HAPLN2: variants seen among roughly 807,000 people sequenced by gnomAD.
The protein encoded by HAPLN2 is hyaluronan and proteoglycan link protein 2.
In HAPLN2, 27 loss-of-function variants were observed where a neutral mutation model predicts 29.3. The ratio of observed to expected loss-of-function variants is 0.92; its 90% CI spans 0.68 to 1.27. The LOEUF (loss-of-function observed/expected upper bound fraction) is 1.27, where lower values mean the gene tolerates loss of function less well. HAPLN2 is among the 50% of genes most tolerant of loss of function. The pLI is 0.00. For missense variants in HAPLN2, 454 were observed against 484.3 expected (o/e 0.94, Z 0.59); for synonymous variants, 208 against 211.7 (o/e 0.98, Z 0.15).
chr1:156,610,589 G>A, the HAPLN2 span, among the ~76,000 whole-genome samples: 7 of 151,366 alleles, frequency 4.6e-5, no homozygotes, highest in South Asian at 8.3e-4. Flanking sequence ...GCAGTGAGCC[G>A]AGATCGCGCC....
At chr1:156,608,618 C>T in the HAPLN2 span, among the ~76,000 whole-genome samples, 1 of 151,998 alleles carries the variant, frequency 6.6e-6, no homozygotes, top group South Asian at 2.1e-4. Flanking sequence ...TCTTAGCTCA[C>T]TGCAACCTCC....
intron 2 of HAPLN2, among the ~76,000 whole-genome samples, chr1:156,622,522 A>C (rs1197640880): frequency 6.6e-6 from 1 of 152,026 alleles, no homozygotes; most frequent in Non-Finnish European, 1.5e-5. Flanking sequence ...GGGTGGGTAA[A>C]GGTTTCCCAA....
chr1:156,624,452 T>G lies in HAPLN2; in HGVS notation c.541T>G (p.Ser181Ala). 6.2e-7 allele frequency: 1 copy of G among 1,612,702 alleles called. No homozygotes were observed. The highest frequency in any genetic ancestry group is 8.5e-7 in the Non-Finnish European group (1 of 1,179,462). ...EEQDGRLATY[S>A]QLYQAWTEGL... is the part of the protein sequence containing the mutation. ...GCAGGACGGACGCCTGGCCACCTAC[T>G]CCCAGCTCTACCAGGGTGAGCGGCC... Residue 181 changes from serine to alanine, a missense_variant, in exon 5 of 7, where the codon TCC becomes GCC. Ser to Ala is a moderately conservative substitution (Grantham distance 99, BLOSUM62 1). Around this residue, in one of 3 missense-constraint regions of HAPLN2, gnomAD observed 235 missense variants for 236.9 expected, o/e 0.99. Coordinates refer to ENST00000255039, the MANE Select transcript of HAPLN2 (RefSeq NM_021817.3).
the HAPLN2 span, among the ~76,000 whole-genome samples, chr1:156,611,783 G>T: frequency 6.6e-6 from 1 of 152,150 alleles, no homozygotes; most frequent in South Asian, 2.1e-4. Context: ...GCTTATCAAT[G>T]CTGTAGTTAT....
chr1:156,613,459 G>A, the HAPLN2 span, among the ~76,000 whole-genome samples: 1 of 152,114 alleles, frequency 6.6e-6, no homozygotes, highest in Non-Finnish European at 1.5e-5. Context: ...TCTCAATTGG[G>A]CAATAAAACC....
At position 156,623,973 on chromosome 1, in the gene HAPLN2, C is replaced by T. The variant is rs1407927390; in HGVS notation, c.252C>T (p.Leu84=). 3 of 1,608,012 alleles carry T rather than the reference C, an allele frequency of 1.9e-6. No individual in the cohort carries two copies. Among genetic ancestry groups the T allele is most frequent in the South Asian group, 1.1e-5 (1 of 90,132 alleles). ...GGGAGCTCCGGGAAACGCTGATCCTCATCACCAACGGACTGCACGCCCGGG... is the reference window on the plus strand; with the variant it reads ...GGGAGCTCCGGGAAACGCTGATCCTTATCACCAACGGACTGCACGCCCGGG... ...EPGELRETLI[L]ITNGLHARGY... is the part of the protein sequence containing the mutation. Residue 84 remains leucine (L), a synonymous_variant, in exon 4 of 7, where the codon CTC becomes CTT. Coordinates refer to ENST00000255039, the MANE Select transcript of HAPLN2 (RefSeq NM_021817.3).
At chr1:156,623,630 T>TGGGGAAA in intron 3 of HAPLN2, 55 bp downstream of exon 3, 1 of 1,604,882 alleles carries the variant, frequency 6.2e-7, no homozygotes, top group Non-Finnish European at 8.5e-7. Context: ...ACTGCAAGGG[T>TGGGGAAA]GGGGAAAGGG....
intron 2 of HAPLN2, among the ~76,000 whole-genome samples, chr1:156,620,368 A>G (rs2102525584): frequency 6.6e-6 from 1 of 152,326 alleles, no homozygotes; most frequent in East Asian, 1.9e-4. Context: ...CAGCATGTGT[A>G]CAGTAGGATT....
chr1:156,625,231 C>A lies in HAPLN2; in HGVS notation c.870C>A (p.Cys290Ter), dbSNP rs781190269. 1 of 1,571,074 alleles carries A rather than the reference C, an allele frequency of 6.4e-7. No individual in the cohort carries two copies. Residue 290 changes from cysteine (C) to a stop codon, truncating the protein, a stop_gained, in exon 7 of 7, where the codon TGC (cysteine) becomes TGA (stop). Transcript: ENST00000255039. LOFTEE classifies it low-confidence loss of function (END_TRUNC). This position sits in a 1 kb window ranked among gnomAD's most constrained non-coding sequence, Gnocchi z 5.7. ...GGAAGTTTTCGGGGCTAGACCAGTG[C>A]GACGGCGGCTGGCTGGCTGACGGCA... ...AAWKFSGLDQ[C>*]DGGWLADGSV...
intron 1 of HAPLN2, among the ~76,000 whole-genome samples, 183 bp downstream of exon 1, chr1:156,619,718 G>A (rs1251112119): frequency 6.6e-6 from 1 of 152,104 alleles, no homozygotes; most frequent in Non-Finnish European, 1.5e-5. Flanking sequence ...CTGGTTCAAA[G>A]GCATCGAGAA....
the HAPLN2 span, among the ~76,000 whole-genome samples, chr1:156,604,735 T>C: frequency 6.6e-6 from 1 of 152,182 alleles, no homozygotes. Flanking sequence ...GGAATACATT[T>C]AACAAAAGAT....
Position 156,625,046 on chromosome 1 carries a change from A to G in HAPLN2, c.740-55A>G, listed in dbSNP as rs943901955. 37 of 1,518,134 alleles carry G rather than the reference A, an allele frequency of 2.4e-5. No homozygotes were observed. The African/African-American group carries it at 3.7e-4, about 15-fold the overall frequency. The allele number at this position is 1,518,134 out of a possible 1,614,324, so 94.0% of individuals were successfully genotyped here. On this transcript the variant is annotated intron_variant, in intron 6 of 6. Transcript: ENST00000255039. The surrounding 1 kb of genome is among the most constrained non-coding windows in gnomAD (Gnocchi z 5.7). ...ACCCCAACTCCGCCTCCTGGGTGTC[A>G]GCCGCCCCTCTCCGCCCACCCTGCC... is the stretch of plus-strand genomic sequence containing the variant.
the HAPLN2 span, among the ~76,000 whole-genome samples, chr1:156,607,776 T>A: frequency 6.6e-6 from 1 of 152,206 alleles, no homozygotes; most frequent in Non-Finnish European, 1.5e-5. Flanking sequence ...ACAATTTATC[T>A]TCCTCCACTT....
chr1:156,607,525 AG>A, the HAPLN2 span, among the ~76,000 whole-genome samples: 7 of 151,974 alleles, frequency 4.6e-5, no homozygotes, highest in Admixed American at 4.6e-4. Flanking sequence ...CTGAGTGCTG[AG>A]GGAGGTGGGG....
intron 2 of HAPLN2, among the ~76,000 whole-genome samples, chr1:156,621,102 A>ATT (rs10653107): frequency 0.58 from 72,663 of 126,102 alleles, 23,247 homozygotes; most frequent in Non-Finnish European, 0.7. Flanking sequence ...AGAAGTCTTC[A>ATT]TTTTTTTTTT....
chr1:156,623,437 T>C, intron 2 of HAPLN2, 30 bp from the exon 3 acceptor site: 1 of 1,596,512 alleles, frequency 6.3e-7, no homozygotes. Context: ...GCCCCAGTCC[T>C]AAGAACTGCC....
chr1:156,604,228 C>T, the HAPLN2 span, among the ~76,000 whole-genome samples: 2 of 151,292 alleles, frequency 1.3e-5, no homozygotes, highest in Non-Finnish European at 2.9e-5. Context: ...AGAAAGTCTA[C>T]ATAAATTACA....
the HAPLN2 span, among the ~76,000 whole-genome samples, chr1:156,607,108 C>T: frequency 6.6e-6 from 1 of 152,182 alleles, no homozygotes; most frequent in Non-Finnish European, 1.5e-5. Flanking sequence ...TAAAGTCTGC[C>T]TTACCATGCT....
rs1678406169 is a variant in HAPLN2, at chr1:156,625,160, CG to C, written c.800del (p.Arg267HisfsTer21). The C allele has an allele frequency of 6.5e-7, 1 of 1,544,058 alleles. No individual in the cohort carries two copies. Reference sequence around the variant, plus strand: ...GTCTGAAGCCCACGCGGCGTGCCGGCGACGCGGCGCCGTGGTGGCCAAGGTT... The same window carrying C: ...GTCTGAAGCCCACGCGGCGTGCCGGCACGCGGCGCCGTGGTGGCCAAGGTT... ...TLSEAHAACRRRGAVVAKVGH... is the reference protein window; with the variant it reads ...TLSEAHAACRXRGAVVAKVGH... On this transcript the variant is annotated frameshift_variant, in exon 7 of 7. Coordinates refer to ENST00000255039, the MANE Select transcript of HAPLN2 (RefSeq NM_021817.3). LOFTEE classifies it low-confidence loss of function (END_TRUNC). This position sits in a 1 kb window ranked among gnomAD's most constrained non-coding sequence, Gnocchi z 5.7.
Sources: gnomAD v4.1 joint callset for allele counts (sites outside exome capture counted in the v4.1 genomes callset) on GRCh38, gnomAD v4.1.1 for gene constraint, gnomAD v4.1.1 regional missense constraint, Gnocchi (gnomAD v3.1) non-coding constraint, MANE v1.5 for transcripts, NCBI Gene and HGNC (gene_info 2026-07-23, HGNC 2026-07-21) for gene names.